NEDD9: variants seen among roughly 807,000 people sequenced by gnomAD.
NEDD9 encodes the protein enhancer of filamentation 1.
In NEDD9, 26 loss-of-function variants were observed where a neutral mutation model predicts 76.6. The observed-to-expected ratio is 0.34, with a 90% CI of 0.25 to 0.47. The LOEUF is 0.47. Among genes scored for constraint, NEDD9 ranks in the 20% least tolerant of loss-of-function variants. NEDD9 has a pLI of 1.00. For missense variants in NEDD9, 937 were observed against 1,058.5 expected (o/e 0.89, Z 1.59); for synonymous variants, 392 against 414.2 (o/e 0.95, Z 0.65).
chr6:11,361,557 C>T (rs1762680209), intron 1 of NEDD9, among the ~76,000 whole-genome samples: 1 of 152,114 alleles, frequency 6.6e-6, no homozygotes, highest in Non-Finnish European at 1.5e-5. Context: ...AGGGATGCAC[C>T]ACCATGATCC....
chr6:11,275,648 C>T (rs1465158626), intron 3 of NEDD9, among the ~76,000 whole-genome samples: 1 of 152,134 alleles, frequency 6.6e-6, no homozygotes, highest in Non-Finnish European at 1.5e-5. Context: ...GGCCGACATG[C>T]CCACAGGCAG....
intron 2 of NEDD9, chr6:11,200,566 G>T: frequency 9.2e-7 from 1 of 1,084,924 alleles, no homozygotes; most frequent in South Asian, 2.7e-5. Context: ...AGATCTCAAG[G>T]CTGTTTCCTT....
chr6:11,272,864 C>T (rs1280377945), intron 3 of NEDD9, among the ~76,000 whole-genome samples: 1 of 152,186 alleles, frequency 6.6e-6, no homozygotes, highest in Non-Finnish European at 1.5e-5. Flanking sequence ...TTTACCCATA[C>T]AGATATTGGG....
intron 1 of NEDD9, among the ~76,000 whole-genome samples, chr6:11,222,216 C>T (rs758555417): frequency 1.3e-5 from 2 of 152,198 alleles, no homozygotes; most frequent in Non-Finnish European, 2.9e-5. Flanking sequence ...AATGCATACA[C>T]ATCCTGGCAA....
In NEDD9 at chr6:11,191,058, C is replaced by T. The variant is rs149032299; in HGVS notation, c.811G>A (p.Ala271Thr). ...YDIPPTCTKP[A>T]GKDLHVKYNC... ...TATTTTACATGAAGGTCCTTCCCTG[C>T]TGGCTTGGTGCAGGTTGGAGGAATG... Residue 271 changes from alanine (A) to threonine (T), a missense_variant, in exon 5 of 7, where the codon GCA becomes ACA. Coordinates refer to ENST00000379446, the MANE Select transcript of NEDD9 (RefSeq NM_006403.4). 5 of 1,613,888 alleles carry T rather than the reference C, an allele frequency of 3.1e-6. No individual in the cohort carries two copies. The African/African-American group carries it at 5.3e-5, about 17-fold the overall frequency.
intron 4 of NEDD9, 88 bp from the exon 5 acceptor site, chr6:11,191,293 A>G (rs1758139580): frequency 1.4e-5 from 20 of 1,423,240 alleles, no homozygotes; most frequent in Non-Finnish European, 1.9e-5. Flanking sequence ...ATTTGCTGGC[A>G]CTTTTTCGGT....
At chr6:11,308,384 T>TTG (rs1691447282) in intron 2 of NEDD9, among the ~76,000 whole-genome samples, 2 of 145,844 alleles carry the variant, frequency 1.4e-5, no homozygotes, top group African/African-American at 2.6e-5. Flanking sequence ...TTTTTTTTTT[T>TTG]TTTGATACGA....
At chr6:11,266,752 T>C (rs1469803231) in intron 3 of NEDD9, among the ~76,000 whole-genome samples, 1 of 152,246 alleles carries the variant, frequency 6.6e-6, no homozygotes, top group African/African-American at 2.4e-5. Flanking sequence ...GTACCTTCAG[T>C]GACCTTGATG....
intron 1 of NEDD9, among the ~76,000 whole-genome samples, chr6:11,373,482 T>C (rs541082958): frequency 3.9e-5 from 6 of 152,290 alleles, no homozygotes; most frequent in Non-Finnish European, 7.3e-5. Context: ...GCAGTGCTTC[T>C]TGAAGGCATG....
At chr6:11,203,621 G>A (rs1164785239) in intron 2 of NEDD9, among the ~76,000 whole-genome samples, 1 of 152,216 alleles carries the variant, frequency 6.6e-6, no homozygotes, top group Admixed American at 6.5e-5. Context: ...AATCCAAGAG[G>A]ATTACATAGG....
chr6:11,204,636 C>T (rs187776229), intron 2 of NEDD9, among the ~76,000 whole-genome samples: 17 of 143,196 alleles, frequency 1.2e-4, no homozygotes, highest in African/African-American at 2.9e-4. Flanking sequence ...AGGAGAATCA[C>T]TTGAACCCAG....
intron 2 of NEDD9, among the ~76,000 whole-genome samples, chr6:11,319,831 TACACTCAC>T (rs1347089468): frequency 6.7e-6 from 1 of 149,552 alleles, no homozygotes; most frequent in Non-Finnish European, 1.5e-5. Flanking sequence ...AACAAGCAAA[TACACTCAC>T]GCACTCATGC....
chr6:11,286,168 A>T (rs1760645383), intron 3 of NEDD9, among the ~76,000 whole-genome samples: 1 of 152,212 alleles, frequency 6.6e-6, no homozygotes, highest in African/African-American at 2.4e-5. Context: ...CCAAATAGAA[A>T]ATGGACAAAA....
At chr6:11,352,177 CA>C (rs1561844620) in intron 1 of NEDD9, 1 of 152,254 alleles carries the variant, frequency 6.6e-6, no homozygotes, top group East Asian at 1.9e-4. Context: ...TCCTTTTCTT[CA>C]GGGTTAACAT....
intron 3 of NEDD9, among the ~76,000 whole-genome samples, chr6:11,250,267 G>C (rs1228202434): frequency 6.6e-6 from 1 of 152,198 alleles, no homozygotes; most frequent in Non-Finnish European, 1.5e-5. Flanking sequence ...CCCTGGGTGA[G>C]AGTTAGAGCC....
chr6:11,319,526 T>TCACACTAACATGCGGACA (rs1417881704), intron 2 of NEDD9, among the ~76,000 whole-genome samples: 3 of 118,816 alleles, frequency 2.5e-5, no homozygotes, highest in South Asian at 2.5e-4. Flanking sequence ...ACATGCACAC[T>TCACACTAACATGCGGACA]CACACTAACA....
chr6:11,195,017 G>T (rs1269475838), intron 2 of NEDD9, among the ~76,000 whole-genome samples: 1 of 152,208 alleles, frequency 6.6e-6, no homozygotes, highest in Non-Finnish European at 1.5e-5. Flanking sequence ...AGAGTTGGTT[G>T]TTCCCTAAGA....
intron 3 of NEDD9, among the ~76,000 whole-genome samples, chr6:11,277,545 C>T (rs1561814193): frequency 6.6e-6 from 1 of 152,120 alleles, no homozygotes; most frequent in African/African-American, 2.4e-5. Context: ...GAGACAGAGG[C>T]CAGCTGGTGA....
chr6:11,309,790 T>C (rs1761310044), intron 2 of NEDD9, among the ~76,000 whole-genome samples: 1 of 152,206 alleles, frequency 6.6e-6, no homozygotes, highest in East Asian at 1.9e-4. Context: ...ACTTGGAGTT[T>C]CAAGTTGACT....
Sources: allele counts gnomAD v4.1 joint callset (sites outside exome capture counted in the v4.1 genomes callset), GRCh38; gene constraint gnomAD v4.1.1; transcripts MANE v1.5; gene names NCBI Gene and HGNC (gene_info 2026-07-23, HGNC 2026-07-21).